The following PHC3 variants were observed in gnomAD, a reference collection of about 807,000 sequenced individuals.
PHC3 encodes the protein polyhomeotic-like protein 3.
A neutral mutation model predicts 107.4 loss-of-function variants in PHC3; 13 were observed. The ratio of observed to expected loss-of-function variants is 0.12; its 90% confidence interval spans 0.08 to 0.19. The LOEUF is 0.19. PHC3 is among the 10% of genes least tolerant of loss of function. The pLI is 1.00. For synonymous variants in PHC3, 456 were observed against 427.4 expected (o/e 1.07, Z -0.83); for missense variants, 992 against 1,210.9 (o/e 0.82, Z 2.68).
rs1283906183 is a variant in PHC3, at chr3:170,095,528, T to G, written c.*1702A>C. On this transcript the variant is annotated 3_prime_UTR_variant, in exon 15 of 15. Transcript: ENST00000495893. Reference sequence around the variant, plus strand: ...GATAAATATAGTATCTGTGATGTCTTCAGTGACATCTTTAGTCTTCTACCA... The same window carrying G: ...GATAAATATAGTATCTGTGATGTCTGCAGTGACATCTTTAGTCTTCTACCA... 1 of 152,044 alleles carries G rather than the reference T, an allele frequency of 6.6e-6. No individual in the cohort carries two copies. Among genetic ancestry groups the G allele is most frequent in the Non-Finnish European group, 1.5e-5 (1 of 68,008 alleles). 9.4% of individuals were successfully genotyped at this position (152,044 alleles called of 1,614,324 possible).
chr3:170,141,740 T>C (rs1255688716), intron 6 of PHC3, among the ~76,000 whole-genome samples: 2 of 151,994 alleles, frequency 1.3e-5, no homozygotes, highest in African/African-American at 4.8e-5. Context: ...GCCCCCCAGG[T>C]AGCTGGGACT....
At position 170,096,073 on chromosome 3, in the gene PHC3, T is replaced by C. The variant is rs1179784199; in HGVS notation, c.*1157A>G. On this transcript the variant is annotated 3_prime_UTR_variant, in exon 15 of 15. Transcript: ENST00000495893. ...CTAGTTCATAGGTATAATCATATTA[T>C]GTCTTCGTCAGTGCAGAGGAGCACA... The C allele has an allele frequency of 6.6e-6, 1 of 152,244 alleles. No individual in the cohort carries two copies. Among genetic ancestry groups the C allele is most frequent in the Non-Finnish European group, 1.5e-5 (1 of 68,042 alleles). 9.4% of individuals were successfully genotyped at this position (152,244 alleles called of 1,614,324 possible).
chr3:170,107,617 G>C (rs1350679701), intron 11 of PHC3, among the ~76,000 whole-genome samples: 1 of 152,108 alleles, frequency 6.6e-6, no homozygotes, highest in African/African-American at 2.4e-5. Context: ...TCTTTAAAAA[G>C]ATGCATATAT....
At chr3:170,157,069 G>A (rs1727016504) in intron 4 of PHC3, among the ~76,000 whole-genome samples, 1 of 152,114 alleles carries the variant, frequency 6.6e-6, no homozygotes, top group Admixed American at 6.5e-5. Context: ...AACTTGCAAT[G>A]TCAGAACAAT....
chr3:170,142,091 GC>G (rs1298840456), intron 6 of PHC3, among the ~76,000 whole-genome samples: 2 of 152,082 alleles, frequency 1.3e-5, no homozygotes, highest in Non-Finnish European at 2.9e-5. Flanking sequence ...ATGCTGAGCT[GC>G]AAGTAACGGC....
chr3:170,136,228 T>C, intron 7 of PHC3, 191 bp downstream of exon 7: 1 of 620,014 alleles, frequency 1.6e-6, no homozygotes, highest in South Asian at 2.3e-5. Flanking sequence ...TATTATATTG[T>C]TACAATTTAT....
intron 4 of PHC3, among the ~76,000 whole-genome samples, chr3:170,152,083 T>C (rs1054912169): frequency 3.3e-5 from 5 of 152,040 alleles, no homozygotes; most frequent in Admixed American, 2.6e-4. Context: ...TATTTTTATT[T>C]TAATATAATA....
rs1277828056 is a variant in PHC3 at position 170,177,871 on chromosome 3, ATGT to A, written c.180+899_180+901del. 1.5e-4 allele frequency among the ~76,000 whole-genome samples: 23 copies of A among 151,542 alleles called. No individual in the cohort carries two copies. In the East Asian group the frequency reaches 4.3e-3, roughly 28 times the overall value. ...TTTTTTGTAGAGATGGGGTTTCAAC[ATGT>A]TGTCCCAGCCAGTCTCCAACTCCTA... On this transcript the variant is annotated intron_variant, in intron 2 of 14. Coordinates refer to ENST00000495893, the MANE Select transcript of PHC3 (RefSeq NM_024947.4).
chr3:170,124,551 G>A (rs1720958251), intron 8 of PHC3, among the ~76,000 whole-genome samples: 1 of 151,960 alleles, frequency 6.6e-6, no homozygotes, highest in Non-Finnish European at 1.5e-5. Flanking sequence ...TTTTTGTAGA[G>A]ATGAGGTCTC....
At chr3:170,174,341 C>T (rs576431468) in intron 2 of PHC3, among the ~76,000 whole-genome samples, 1 of 152,062 alleles carries the variant, frequency 6.6e-6, no homozygotes, top group South Asian at 2.1e-4. Flanking sequence ...TACTTAATTC[C>T]TTAAAAAGTG....
At position 170,128,826 on chromosome 3, in the gene PHC3, A is replaced by G. The variant is rs1247567004; in HGVS notation, c.1646T>C (p.Leu549Ser). ...QPEILSQGQV[L>S]VQNALVSEEE... ...TTCTGACACCAAAGCATTCTGCACC[A>G]AAACCTGGCCCTGGGACAGAATTTC... The change falls in exon 8 of 15, where the codon TTG becomes TCG. Residue 549 changes from leucine (L) to serine (S), a missense_variant. Leu to Ser is a moderately radical substitution (Grantham distance 145). This residue lies in a region of PHC3 where 543 missense variants were observed against 590.8 expected (regional missense o/e 0.92). Transcript: ENST00000495893. 6.2e-7 allele frequency: 1 copy of G among 1,613,896 alleles called. No individual in the cohort carries two copies. The highest frequency in any genetic ancestry group is 1.1e-5 in the South Asian group (1 of 91,086).
chr3:170,142,479 T>C (rs931518079), intron 6 of PHC3, among the ~76,000 whole-genome samples: 5 of 152,244 alleles, frequency 3.3e-5, no homozygotes, highest in Non-Finnish European at 5.9e-5. Context: ...AAAAGTACTA[T>C]TTACTGAGTG....
Position 170,129,439 on chromosome 3 carries a change from G to A in PHC3, c.1033C>T (p.Gln345Ter). The change falls in exon 8 of 15, where the codon CAA (glutamine) becomes TAA (stop). Residue 345 changes from glutamine (Q) to a stop codon, truncating the protein, a stop_gained. Coordinates refer to ENST00000495893, the MANE Select transcript of PHC3 (RefSeq NM_024947.4). LOFTEE classifies it high-confidence loss of function. ...HQLILQQQQQ[Q>*]IQPITLQNST... ...TTCTGAAGTGTGATTGGCTGAATTT[G>A]CTGTTGCTGCTGTTGTAATATCAGC... 6.2e-7 allele frequency: 1 copy of A among 1,613,926 alleles called. No homozygotes were observed. The highest frequency in any genetic ancestry group is 8.5e-7 in the Non-Finnish European group (1 of 1,179,866).
intron 12 of PHC3, among the ~76,000 whole-genome samples, chr3:170,103,198 G>T (rs946413275): frequency 6.6e-6 from 1 of 152,034 alleles, no homozygotes; most frequent in African/African-American, 2.4e-5. Flanking sequence ...CCTGATTACA[G>T]CATGACAGTG....
At chr3:170,104,361 C>A (rs1266006543) in intron 12 of PHC3, among the ~76,000 whole-genome samples, 1 of 152,120 alleles carries the variant, frequency 6.6e-6, no homozygotes. Flanking sequence ...AAACAAATTT[C>A]TGAAAAGCTA....
intron 4 of PHC3, among the ~76,000 whole-genome samples, chr3:170,157,948 C>T (rs558867312): frequency 1.1e-4 from 16 of 151,800 alleles, no homozygotes; most frequent in Non-Finnish European, 1.6e-4. Context: ...AAACCACCAG[C>T]AAGAGAAAAG....
At chr3:170,169,908 G>C (rs2108742087) in intron 4 of PHC3, 1 of 152,116 alleles carries the variant, frequency 6.6e-6, no homozygotes, top group South Asian at 2.1e-4. Flanking sequence ...GACATCTGAT[G>C]TCAATGACAA....
chr3:170,149,995 T>C (rs1725641446), intron 4 of PHC3: 1 of 152,226 alleles, frequency 6.6e-6, no homozygotes, highest in Non-Finnish European at 1.5e-5. Flanking sequence ...AAATGATCAA[T>C]GATTTGAGAT....
At chr3:170,140,072 G>A (rs1192828709) in intron 6 of PHC3, among the ~76,000 whole-genome samples, 1 of 151,812 alleles carries the variant, frequency 6.6e-6, no homozygotes, top group Non-Finnish European at 1.5e-5. Context: ...CAAATACTAT[G>A]GCAATTATCA....
Sources: allele counts gnomAD v4.1 joint callset (sites outside exome capture counted in the v4.1 genomes callset), GRCh38; gene constraint gnomAD v4.1.1; regional missense constraint gnomAD v4.1.1; transcripts MANE v1.5; gene names NCBI Gene and HGNC (gene_info 2026-07-23, HGNC 2026-07-21).